Variants in PRKCB observed in about 807,000 individuals in gnomAD.
The protein encoded by PRKCB is protein kinase C beta, also known as protein kinase C beta type.
Under a neutral mutation model 81.5 loss-of-function variants are expected in PRKCB, and 13 were observed. The ratio of observed to expected loss-of-function variants is 0.16; its 90% CI spans 0.10 to 0.25. The LOEUF (loss-of-function observed/expected upper bound fraction) is 0.25. Ranked by LOEUF, PRKCB falls within the 10% of genes least tolerant of loss-of-function variation. The pLI is 1.00. For missense variants in PRKCB, 509 were observed against 875.7 expected (o/e 0.58, Z 5.29); for synonymous variants, 335 against 321.4 (o/e 1.04, Z -0.45).
chr16:24,043,034 G>C (rs1220232935), intron 5 of PRKCB, among the ~76,000 whole-genome samples: 1 of 152,176 alleles, frequency 6.6e-6, no homozygotes, highest in African/African-American at 2.4e-5. Context: ...ACTGTGCCCG[G>C]TGATGTCTTA....
intron 7 of PRKCB, chr16:24,111,381 A>ATTCAAATG (rs1966674321): frequency 6.6e-6 from 1 of 152,124 alleles, no homozygotes; most frequent in African/African-American, 2.4e-5. Context: ...TTTCCCACTG[A>ATTCAAATG]TTCAAATGCT....
At position 23,998,971 on chromosome 16, in the gene PRKCB, G is replaced by A. The variant is rs1001434590; in HGVS notation, c.288+10381G>A. 3.3e-5 allele frequency among the ~76,000 whole-genome samples: 5 copies of A among 152,202 alleles called. No individual in the cohort carries two copies. In the East Asian group the frequency reaches 9.6e-4, roughly 29 times the overall value. On this transcript the variant is annotated intron_variant, in intron 3 of 16. Transcript: ENST00000643927. ...GTACTCCCTGCAGCCAGCATGCATA[G>A]GATTTGGCAGCCTACCTGAAATGAT...
intron 2 of PRKCB, among the ~76,000 whole-genome samples, chr16:23,972,760 G>A (rs551933994): frequency 9.9e-5 from 15 of 152,280 alleles, no homozygotes; most frequent in African/African-American, 2.2e-4. Context: ...GTCTACAGTC[G>A]TGAGCTTTAA....
chr16:24,208,754 C>G (rs946994106), intron 16 of PRKCB, among the ~76,000 whole-genome samples: 1 of 152,292 alleles, frequency 6.6e-6, no homozygotes, highest in East Asian at 1.9e-4. Flanking sequence ...GGAAACTGAT[C>G]TGGGCTGTGT....
intron 5 of PRKCB, among the ~76,000 whole-genome samples, chr16:24,064,239 C>T (rs1453578894): frequency 1.3e-5 from 2 of 151,380 alleles, no homozygotes; most frequent in African/African-American, 2.4e-5. Context: ...CCTTTTCTAA[C>T]TTTTTGAGAT....
intron 2 of PRKCB, among the ~76,000 whole-genome samples, chr16:23,979,707 C>A (rs1964670022): frequency 6.6e-6 from 1 of 152,206 alleles, no homozygotes; most frequent in South Asian, 2.1e-4. Context: ...ACACATGTAA[C>A]TGCACTGTGT....
intron 8 of PRKCB, 67 bp downstream of exon 8, chr16:24,113,136 CCCT>C (rs1966695405): frequency 2.7e-5 from 32 of 1,201,656 alleles, no homozygotes; most frequent in South Asian, 9.8e-5. Flanking sequence ...TCCTCCTGCT[CCCT>C]CCTCTTTCTT....
chr16:23,964,819 G>T (rs1485745565), intron 2 of PRKCB, among the ~76,000 whole-genome samples: 1 of 151,826 alleles, frequency 6.6e-6, no homozygotes, highest in Non-Finnish European at 1.5e-5. Flanking sequence ...ATAGGTACCT[G>T]CCCCCTCTCC....
chr16:24,040,472 A>G (rs1305313624), intron 5 of PRKCB, among the ~76,000 whole-genome samples: 1 of 152,044 alleles, frequency 6.6e-6, no homozygotes, highest in East Asian at 1.9e-4. Flanking sequence ...GTAGACACTC[A>G]TGGTAACCTG....
At chr16:24,210,808 A>G (rs1293373825) in intron 16 of PRKCB, among the ~76,000 whole-genome samples, 1 of 151,974 alleles carries the variant, frequency 6.6e-6, no homozygotes, top group Admixed American at 6.6e-5. Context: ...CCTTGGCTTT[A>G]TTTTTCTTCA....
intron 2 of PRKCB, among the ~76,000 whole-genome samples, chr16:23,844,474 T>G (rs552780495): frequency 1.3e-5 from 2 of 152,190 alleles, no homozygotes; most frequent in Non-Finnish European, 2.9e-5. Context: ...TATTTGTCCA[T>G]CCATGCATCC....
chr16:24,144,568 C>T (rs1191457141), intron 9 of PRKCB, among the ~76,000 whole-genome samples: 2 of 152,150 alleles, frequency 1.3e-5, no homozygotes, highest in East Asian at 3.9e-4. Context: ...CCCAAAGTGC[C>T]GGGATTACAG....
chr16:24,070,438 T>G (rs1164618971), intron 5 of PRKCB, among the ~76,000 whole-genome samples: 1 of 152,184 alleles, frequency 6.6e-6, no homozygotes, highest in Non-Finnish European at 1.5e-5. Context: ...CATGAGCCGT[T>G]GCGCCCGGCC....
chr16:24,170,553 T>A (rs940013467), intron 10 of PRKCB, among the ~76,000 whole-genome samples: 6 of 151,956 alleles, frequency 3.9e-5, no homozygotes, highest in Non-Finnish European at 7.4e-5. Context: ...TAAGAAGAGA[T>A]AAAGTGATTC....
intron 2 of PRKCB, among the ~76,000 whole-genome samples, chr16:23,980,690 C>G (rs986413388): frequency 6.6e-6 from 1 of 152,082 alleles, no homozygotes; most frequent in Non-Finnish European, 1.5e-5. Context: ...GAATTTCTAT[C>G]CCAGATTGAC....
intron 2 of PRKCB, among the ~76,000 whole-genome samples, chr16:23,844,144 G>A (rs996890522): frequency 1.3e-5 from 2 of 152,220 alleles, no homozygotes. Context: ...TAGATAGGGG[G>A]ATCTGCTGAA....
rs1279944829 is a variant in PRKCB at position 24,113,003 on chromosome 16, G to A, written c.852G>A (p.Glu284=). Residue 284 remains glutamate (E), a synonymous_variant, in exon 8 of 17, where the codon GAG becomes GAA. Transcript: ENST00000643927. ...AGTTACTGAGCCAGGAGGAAGGCGAGTACTTCAATGTGCCTGTGCCACCAG... is the reference window on the plus strand; with the variant it reads ...AGTTACTGAGCCAGGAGGAAGGCGAATACTTCAATGTGCCTGTGCCACCAG... ...WFKLLSQEEG[E]YFNVPVPPEG... The A allele has an allele frequency of 1.1e-5, 17 of 1,612,656 alleles. No homozygotes were observed. The highest frequency in any genetic ancestry group is 2.2e-5 in the East Asian group (1 of 44,758).
chr16:23,857,398 C>A (rs552018725), intron 2 of PRKCB, among the ~76,000 whole-genome samples: 65 of 152,238 alleles, frequency 4.3e-4, no homozygotes, highest in African/African-American at 1.5e-3. Flanking sequence ...TGCAGAGAGC[C>A]GCCAGAAGAT....
intron 2 of PRKCB, among the ~76,000 whole-genome samples, chr16:23,951,833 T>C (rs532740176): frequency 5.3e-5 from 8 of 152,240 alleles, no homozygotes; most frequent in Non-Finnish European, 8.8e-5. Context: ...TTTCTTTTGG[T>C]TTATGAAATC....
Sources: allele counts gnomAD v4.1 joint callset (sites outside exome capture counted in the v4.1 genomes callset), GRCh38; gene constraint gnomAD v4.1.1; transcripts MANE v1.5; gene names NCBI Gene and HGNC (gene_info 2026-07-23, HGNC 2026-07-21).